The following AKAP13 variants were observed in gnomAD, a reference collection of about 807,000 sequenced individuals.
The protein encoded by AKAP13 is A-kinase anchor protein 13.
AKAP13 carries 80 observed loss-of-function variants against 264.5 expected under a neutral mutation model. That is an observed-to-expected ratio of 0.30 (90% CI 0.25 to 0.36). The LOEUF is 0.36. Ranked by LOEUF, AKAP13 falls within the 10% of genes least tolerant of loss-of-function variation. AKAP13 has a pLI of 1.00. For synonymous variants in AKAP13, 1,380 were observed against 1,250.2 expected, an observed-to-expected ratio of 1.10 and a Z score of -2.19; for missense variants, 3,712 against 3,435.2, an observed-to-expected ratio of 1.08 and a Z score of -2.01.
At chr15:85,662,456 A>G (rs769657516) in intron 12 of AKAP13, 2 of 1,614,148 alleles carry the variant, frequency 1.2e-6, no homozygotes, top group African/African-American at 2.7e-5. Flanking sequence ...TACAGAAGGT[A>G]TGATATTGTT....
At chr15:85,733,859 C>G (rs959879609) in intron 30 of AKAP13, among the ~76,000 whole-genome samples, 15 of 122,014 alleles carry the variant, frequency 1.2e-4, no homozygotes, top group African/African-American at 3.7e-4. Context: ...TTGTCATTTT[C>G]TTTTCTTTCT....
rs1490988699 is a variant in AKAP13, at chr15:85,735,039, G to C, written c.7330G>C (p.Gly2444Arg). The C allele has an allele frequency of 1.9e-6, 3 of 1,614,082 alleles. No individual in the cohort carries two copies. Among genetic ancestry groups the C allele is most frequent in the East Asian group, 4.5e-5 (2 of 44,898 alleles). ...LVSGNLGGTLGPTVSSPIEQD... is the reference protein window; with the variant it reads ...LVSGNLGGTLRPTVSSPIEQD... ...GAGTGGAAATCTGGGAGGCACACTT[G>C]GGCCGACTGTCAGCAGCCCCATTGA... The change falls in exon 31 of 37, where the codon GGG becomes CGG. Residue 2444 changes from glycine to arginine, a missense_variant. Gly to Arg is a moderately radical substitution (Grantham distance 125). Around this residue, in one of 3 missense-constraint regions of AKAP13, gnomAD observed 611 missense variants for 539.3 expected, o/e 1.13. Transcript: ENST00000394518.
intron 1 of AKAP13, among the ~76,000 whole-genome samples, chr15:85,444,137 C>T (rs979245476): frequency 7.2e-5 from 11 of 152,068 alleles, no homozygotes; most frequent in Admixed American, 1.3e-4. Context: ...TATATTAATC[C>T]ACTCTATTAA....
At chr15:85,429,062 C>T (rs1038984838) in intron 1 of AKAP13, among the ~76,000 whole-genome samples, 11 of 152,098 alleles carry the variant, frequency 7.2e-5, no homozygotes, top group South Asian at 2.1e-4. Context: ...AGCTGGAATT[C>T]GAATTCAAAA....
chr15:85,621,763 T>C (rs1361900342), intron 8 of AKAP13, among the ~76,000 whole-genome samples: 1 of 152,182 alleles, frequency 6.6e-6, no homozygotes, highest in Non-Finnish European at 1.5e-5. Context: ...CATATTCATA[T>C]GAAGAGCCCG....
rs2089439953 is a variant in AKAP13, at chr15:85,748,717, T to G, written c.*4040T>G. 1 of 152,116 alleles carries G rather than the reference T, an allele frequency of 6.6e-6. No homozygotes were observed. Among genetic ancestry groups the G allele is most frequent in the African/African-American group, 2.4e-5 (1 of 41,396 alleles). 9.4% of individuals were successfully genotyped at this position (152,116 alleles called of 1,614,324 possible). A position where few individuals can be genotyped will look rare whatever the true frequency, so the allele number is the denominator to read the frequency against. Reference sequence around the variant, plus strand: ...TCATCTAATTTAATTGTCAAAAGATTGATAGGCCATGAATTACTTCTCCAT... The same window carrying G: ...TCATCTAATTTAATTGTCAAAAGATGGATAGGCCATGAATTACTTCTCCAT... On this transcript the variant is annotated 3_prime_UTR_variant, in exon 37 of 37. Coordinates refer to ENST00000394518, the MANE Select transcript of AKAP13 (RefSeq NM_007200.5).
intron 13 of AKAP13, among the ~76,000 whole-genome samples, chr15:85,669,267 C>A (rs942202875): frequency 6.6e-6 from 1 of 151,998 alleles, no homozygotes; most frequent in African/African-American, 2.4e-5. Flanking sequence ...AAAGTAAAAT[C>A]AGAATACTAT....
intron 1 of AKAP13, among the ~76,000 whole-genome samples, chr15:85,443,715 CTG>C (rs2073795009): frequency 6.6e-6 from 1 of 151,084 alleles, no homozygotes; most frequent in South Asian, 2.1e-4. Flanking sequence ...TGGTACATGA[CTG>C]TATTTGCATT....
chr15:85,605,274 A>G (rs2080270737), intron 8 of AKAP13, among the ~76,000 whole-genome samples: 1 of 152,256 alleles, frequency 6.6e-6, no homozygotes, highest in Non-Finnish European at 1.5e-5. Flanking sequence ...GAACATTCAT[A>G]TAAATTCCAG....
At chr15:85,421,722 A>G (rs555225913) in intron 1 of AKAP13, among the ~76,000 whole-genome samples, 24 of 152,326 alleles carry the variant, frequency 1.6e-4, no homozygotes, top group African/African-American at 4.6e-4. Flanking sequence ...ATGAGTTACA[A>G]TCTTTCACAG....
In AKAP13 at chr15:85,747,381, G is replaced by GA. The variant is rs753155762; in HGVS notation, c.*2706dup. On this transcript the variant is annotated 3_prime_UTR_variant, in exon 37 of 37. Coordinates refer to ENST00000394518, the MANE Select transcript of AKAP13 (RefSeq NM_007200.5). ...GCCTGTCTTGGTTTCTATCACATGA[G>GA]AAGGGGTTGTTTTTTTGGGGTGACT... 10 of 149,360 alleles carry GA rather than the reference G, an allele frequency of 6.7e-5. No homozygotes were observed. The highest frequency in any genetic ancestry group is 1.5e-4 in the Non-Finnish European group (10 of 67,232). 9.3% of individuals were successfully genotyped at this position (149,360 alleles called of 1,614,324 possible).
chr15:85,469,128 T>A (rs1596277854), intron 1 of AKAP13, among the ~76,000 whole-genome samples: 1 of 139,916 alleles, frequency 7.1e-6, no homozygotes, highest in African/African-American at 2.9e-5. Flanking sequence ...TCAGCCAGGC[T>A]GGTCTTGAAC....
Position 85,581,725 on chromosome 15 carries a change from G to A in AKAP13, c.3657G>A (p.Pro1219=), listed in dbSNP as rs777055186. The A allele has an allele frequency of 6.2e-6, 10 of 1,614,156 alleles. No individual in the cohort carries two copies. Among genetic ancestry groups the A allele is most frequent in the Middle Eastern group, 1.6e-4 (1 of 6,062 alleles). The part of the protein sequence containing the change: ...PAGVREVMRA[P]PSGRERSTPS... ...GTGTGAGGGAAGTCATGCGAGCCCCGCCTTCAGGCAGGGAAAGGAGCACTC... is the reference window on the plus strand; with the variant it reads ...GTGTGAGGGAAGTCATGCGAGCCCCACCTTCAGGCAGGGAAAGGAGCACTC... Residue 1219 remains proline (P), a synonymous_variant, in exon 7 of 37, where the codon CCG becomes CCA. Transcript: ENST00000394518.
At chr15:85,703,879 C>G (rs532487001) in intron 17 of AKAP13, among the ~76,000 whole-genome samples, 10 of 150,394 alleles carry the variant, frequency 6.6e-5, no homozygotes, top group African/African-American at 9.7e-5. Context: ...TATACACACA[C>G]ATATATTTAA....
chr15:85,620,299 A>G (rs532599865), intron 8 of AKAP13: 1 of 841,402 alleles, frequency 1.2e-6, no homozygotes, highest in East Asian at 2.7e-5. Context: ...ACAGTGGAGG[A>G]TGAGGGGTGA....
At chr15:85,567,524 A>G (rs1465604807) in intron 5 of AKAP13, among the ~76,000 whole-genome samples, 1 of 152,332 alleles carries the variant, frequency 6.6e-6, no homozygotes. Context: ...ATTATTATGA[A>G]GAGAAAAGGA....
intron 1 of AKAP13, among the ~76,000 whole-genome samples, chr15:85,442,492 TATATA>T (rs1427182570): frequency 1.8e-5 from 2 of 108,822 alleles, no homozygotes; most frequent in Non-Finnish European, 3.7e-5. Flanking sequence ...ATATATATAA[TATATA>T]TTATATTATA....
chr15:85,732,228 G>T (rs1430621037), intron 30 of AKAP13, among the ~76,000 whole-genome samples: 1 of 152,098 alleles, frequency 6.6e-6, no homozygotes, highest in Non-Finnish European at 1.5e-5. Context: ...AGAGCTACTG[G>T]TATAGTAAGT....
At chr15:85,740,411 C>G (rs1445457620) in intron 34 of AKAP13, 139 bp downstream of exon 34, 6 of 900,932 alleles carry the variant, frequency 6.7e-6, no homozygotes, top group Middle Eastern at 3.4e-4. Flanking sequence ...GACTGGCTCT[C>G]GTGGTGAGAA....
Sources: allele counts gnomAD v4.1 joint callset (sites outside exome capture counted in the v4.1 genomes callset), GRCh38; gene constraint gnomAD v4.1.1; regional missense constraint gnomAD v4.1.1; transcripts MANE v1.5; gene names NCBI Gene and HGNC (gene_info 2026-07-23, HGNC 2026-07-21).